The following UTP20 variants were observed in gnomAD, a reference collection of about 807,000 sequenced individuals.
UTP20 encodes UTP20 small subunit processome component, also known as small subunit processome component 20 homolog.
Under a neutral mutation model 329.5 loss-of-function variants are expected in UTP20, and 164 were observed. That is an observed-to-expected ratio of 0.50 (90% CI 0.44 to 0.57). The LOEUF is 0.57. UTP20 is among the 20% of genes least tolerant of loss of function. The probability of loss-of-function intolerance (pLI) is 0.00; values close to 1 mark genes in which losing one functional copy is unlikely to be tolerated. For synonymous variants in UTP20, 1,151 were observed against 1,159.3 expected, an observed-to-expected ratio of 0.99 and a Z score of 0.14; for missense variants, 3,055 against 3,284.2, an observed-to-expected ratio of 0.93 and a Z score of 1.71.
chr12:101,372,823 T>C, intron 51 of UTP20, 61 bp from the exon 52 acceptor site: 12 of 1,405,264 alleles, frequency 8.5e-6, no homozygotes, highest in Non-Finnish European at 1.2e-5. Flanking sequence ...GAAAGCAGCT[T>C]AGGAAACAGG....
At chr12:101,321,911 C>CA (rs1555199811) in intron 25 of UTP20, among the ~76,000 whole-genome samples, 1 of 150,466 alleles carries the variant, frequency 6.6e-6, no homozygotes, top group Non-Finnish European at 1.5e-5. Flanking sequence ...CCGCCAGCTG[C>CA]TTTTTTTTTG....
chr12:101,310,577 C>CAAAAAAAAAAAAAA lies in UTP20; in HGVS notation c.2231+746_2231+759dup, dbSNP rs549641642. ...GCAACAAGAGTGAAACTCTGTCTCCCAAAAAAAAAAAAAAAAAAAAATACA... is the reference window on the plus strand; with the variant it reads ...GCAACAAGAGTGAAACTCTGTCTCCCAAAAAAAAAAAAAAAAAAAAAAAAAAAAAAAAAAATACA... On this transcript the variant is annotated intron_variant, in intron 19 of 61. Transcript: ENST00000261637. Among the ~76,000 whole-genome samples the CAAAAAAAAAAAAAA allele has an allele frequency of 1.2e-3, 55 of 44,352 alleles. 8 individuals carry two copies. The highest frequency in any genetic ancestry group is 3.8e-3 in the African/African-American group (35 of 9,138). The allele number at this position is 44,352 out of a possible 152,430, so 29.1% of individuals were successfully genotyped here.
intron 61 of UTP20, 113 bp from the exon 62 acceptor site, chr12:101,385,855 A>ACTT: frequency 6.8e-7 from 1 of 1,465,866 alleles, no homozygotes; most frequent in South Asian, 1.3e-5. Flanking sequence ...TATAGCTGGG[A>ACTT]CTTCAGATTT....
chr12:101,346,633 T>TGACACA, intron 38 of UTP20, 45 bp downstream of exon 38: 1 of 1,514,448 alleles, frequency 6.6e-7, no homozygotes, highest in East Asian at 2.3e-5. Context: ...TCCCATACCA[T>TGACACA]GACACACTTT....
At chr12:101,355,186 G>A in intron 41 of UTP20, 68 bp downstream of exon 41, 1 of 1,505,188 alleles carries the variant, frequency 6.6e-7, no homozygotes, top group Admixed American at 2.1e-5. Flanking sequence ...CTGTCACACT[G>A]AGGCTCTTGG....
At chr12:101,345,435 T>G in intron 36 of UTP20, 119 bp from the exon 37 acceptor site, 1 of 721,006 alleles carries the variant, frequency 1.4e-6, no homozygotes, top group Non-Finnish European at 2.2e-6. Flanking sequence ...AATCCTGACT[T>G]TTTTTTTTAA....
intron 5 of UTP20, among the ~76,000 whole-genome samples, chr12:101,287,930 A>G (rs1442147494): frequency 1.3e-5 from 2 of 152,230 alleles, no homozygotes; most frequent in Non-Finnish European, 2.9e-5. Flanking sequence ...TAAGGGTGAG[A>G]CTAGCTAAGT....
chr12:101,343,019 T>A lies in UTP20; in HGVS notation c.4375T>A (p.Tyr1459Asn), dbSNP rs1378239261. 1 of 1,613,670 alleles carries A rather than the reference T, an allele frequency of 6.2e-7. No individual in the cohort carries two copies. The highest frequency in any genetic ancestry group is 1.7e-5 in the Admixed American group (1 of 60,004). ...RFETFQTITS[Y>N]IKEMQIVDVN... ...TGAGACTTTCCAGACCATCACCTCT[T>A]ACATTAAAGAAATGCAAATTGTGGA... The change falls in exon 35 of 62, where the codon TAC (tyrosine) becomes AAC (asparagine). Residue 1459 changes from tyrosine to asparagine, a missense_variant. By Grantham distance (143) the Tyr-to-Asn change is moderately radical. This residue lies in a region of UTP20 where 2,445 missense variants were observed against 2,575.5 expected (regional missense o/e 0.95). Coordinates refer to ENST00000261637, the MANE Select transcript of UTP20 (RefSeq NM_014503.3).
chr12:101,348,333 T>C (rs573116249), intron 38 of UTP20, among the ~76,000 whole-genome samples: 81 of 152,250 alleles, frequency 5.3e-4, no homozygotes, highest in Non-Finnish European at 9.6e-4. Context: ...TTTGACCCAA[T>C]TTTTTTCTTT....
chr12:101,322,282 G>A (rs967518380), intron 25 of UTP20, among the ~76,000 whole-genome samples: 3 of 152,100 alleles, frequency 2.0e-5, no homozygotes, highest in African/African-American at 7.2e-5. Flanking sequence ...GAGCCACTGC[G>A]CCTGGGCCCT....
intron 43 of UTP20, among the ~76,000 whole-genome samples, 193 bp downstream of exon 43, chr12:101,357,275 A>G (rs1247766026): frequency 6.6e-6 from 1 of 152,216 alleles, no homozygotes; most frequent in Non-Finnish European, 1.5e-5. Flanking sequence ...TCTGATTTTT[A>G]AAAGATCCTT....
At chr12:101,370,880 T>C (rs1251637281) in intron 50 of UTP20, among the ~76,000 whole-genome samples, 178 bp from the exon 51 acceptor site, 3 of 152,244 alleles carry the variant, frequency 2.0e-5, no homozygotes, top group Non-Finnish European at 1.5e-5. Flanking sequence ...TTTTTACCCA[T>C]TTGAAGTGTT....
Position 101,385,996 on chromosome 12 carries a change from A to G in UTP20, c.8231A>G (p.Lys2744Arg). 6.2e-7 allele frequency: 1 copy of G among 1,602,300 alleles called. No homozygotes were observed. Among genetic ancestry groups the G allele is most frequent in the East Asian group, 2.2e-5 (1 of 44,848 alleles). The change falls in exon 62 of 62, where the codon AAG becomes AGG. Residue 2744 changes from lysine to arginine, a missense_variant. Lys to Arg is a conservative substitution (Grantham distance 26, BLOSUM62 2). This residue lies in a region of UTP20 where 337 missense variants were observed against 345.5 expected (regional missense o/e 0.98). Transcript: ENST00000261637. ...GTAACTAATCCTGATATTGCTGCCA[A>G]GAAAAAAATGAAGAAACACAAAAAT... ...EFVTNPDIAA[K>R]KKMKKHKNKS... is the part of the protein sequence containing the mutation.
intron 42 of UTP20, 50 bp from the exon 43 acceptor site, chr12:101,356,876 A>T: frequency 6.4e-7 from 1 of 1,565,270 alleles, no homozygotes. Context: ...GTGTATGTTT[A>T]ATTGCTTCTG....
chr12:101,386,266 G>A lies in UTP20; in HGVS notation c.*143G>A. 1 of 726,520 alleles carries A rather than the reference G, an allele frequency of 1.4e-6. No individual in the cohort carries two copies. The highest frequency in any genetic ancestry group is 2.2e-6 in the Non-Finnish European group (1 of 454,234). 45.0% of individuals were successfully genotyped at this position (726,520 alleles called of 1,614,324 possible). A position where few individuals can be genotyped will look rare whatever the true frequency, so the allele number is the denominator to read the frequency against. ...ACTCTGTCACCCAAGGTGGAGTGCA[G>A]TGACGACATCACAGCTCACTGCAGC... On this transcript the variant is annotated 3_prime_UTR_variant, in exon 62 of 62. Transcript: ENST00000261637.
At chr12:101,307,718 C>G (rs1200902843) in intron 17 of UTP20, among the ~76,000 whole-genome samples, 1 of 152,160 alleles carries the variant, frequency 6.6e-6, no homozygotes, top group Non-Finnish European at 1.5e-5. Flanking sequence ...TACTACTCCA[C>G]AGTTGAAAAT....
chr12:101,302,102 T>A (rs1872536185), intron 14 of UTP20, among the ~76,000 whole-genome samples: 1 of 152,122 alleles, frequency 6.6e-6, no homozygotes, highest in Non-Finnish European at 1.5e-5. Flanking sequence ...AGCTAATTTT[T>A]AATCTTTTAT....
intron 45 of UTP20, among the ~76,000 whole-genome samples, chr12:101,364,976 T>C (rs1333384349): frequency 6.6e-6 from 1 of 152,188 alleles, no homozygotes; most frequent in East Asian, 1.9e-4. Flanking sequence ...TAGGTTCCTC[T>C]GATTTGGCCC....
chr12:101,372,502 T>C lies in UTP20; in HGVS notation c.6799-382T>C, dbSNP rs531104900. Among the ~76,000 whole-genome samples, 95 of 152,242 alleles carry C rather than the reference T, an allele frequency of 6.2e-4. 1 individual carries two copies. Among genetic ancestry groups the C allele is most frequent in the Non-Finnish European group, 5.3e-4 (36 of 68,038 alleles). On this transcript the variant is annotated intron_variant, in intron 51 of 61. Coordinates refer to ENST00000261637, the MANE Select transcript of UTP20 (RefSeq NM_014503.3). ...TTATTATCAGTATTGATATTATCAC[T>C]GTGTTGTTATTCTTGTTGAAGGGGA...
Sources: gnomAD v4.1 joint callset for allele counts (sites outside exome capture counted in the v4.1 genomes callset) on GRCh38, gnomAD v4.1.1 for gene constraint, gnomAD v4.1.1 regional missense constraint, MANE v1.5 for transcripts, NCBI Gene and HGNC (gene_info 2026-07-23, HGNC 2026-07-21) for gene names.